The following RGS7BP variants were observed in gnomAD, a reference collection of about 807,000 sequenced individuals.
The protein encoded by RGS7BP is regulator of G protein signaling 7 binding protein, also known as regulator of G protein signaling 7-binding protein.
RGS7BP carries 9 observed loss-of-function variants against 31.3 expected under a neutral mutation model. The ratio of observed to expected loss-of-function variants is 0.29; its 90% confidence interval spans 0.17 to 0.50. The LOEUF (loss-of-function observed/expected upper bound fraction) is 0.50, where lower values mean the gene tolerates loss of function less well. Ranked by LOEUF, RGS7BP falls within the 20% of genes least tolerant of loss-of-function variation. The probability of loss-of-function intolerance (pLI) is 0.98; values close to 1 mark genes in which losing one functional copy is unlikely to be tolerated. For missense variants in RGS7BP, 274 were observed against 322.0 expected, an observed-to-expected ratio of 0.85 and a Z score of 1.14; for synonymous variants, 115 against 120.1, an observed-to-expected ratio of 0.96 and a Z score of 0.28.
At chr5:64,574,234 T>C (rs1449402213) in intron 2 of RGS7BP, among the ~76,000 whole-genome samples, 1 of 152,038 alleles carries the variant, frequency 6.6e-6, no homozygotes, top group Admixed American at 6.6e-5. Flanking sequence ...AGTCAGAGAC[T>C]GTGAAAGCTG....
intron 2 of RGS7BP, among the ~76,000 whole-genome samples, chr5:64,566,005 C>T (rs1742160806): frequency 6.6e-6 from 1 of 152,044 alleles, no homozygotes; most frequent in Non-Finnish European, 1.5e-5. Flanking sequence ...ACAGAATCCC[C>T]AGTGTTGGGT....
chr5:64,564,324 A>T lies in RGS7BP; in HGVS notation c.333-11450A>T, dbSNP rs899974341. On this transcript the variant is annotated intron_variant, in intron 2 of 5. Coordinates refer to ENST00000334025, the MANE Select transcript of RGS7BP (RefSeq NM_001029875.3). Reference sequence around the variant, plus strand: ...AACTGAAGCCAACTACACAGTTTCAAGGATCTTTGCTGGTTTTCTTTAATA... The same window carrying T: ...AACTGAAGCCAACTACACAGTTTCATGGATCTTTGCTGGTTTTCTTTAATA... Among the ~76,000 whole-genome samples the T allele has an allele frequency of 3.3e-5, 5 of 152,150 alleles. 1 individual carries two copies. The highest frequency in any genetic ancestry group is 2.6e-4 in the Admixed American group (4 of 15,256).
At chr5:64,543,789 G>A (rs1446139332) in intron 2 of RGS7BP, among the ~76,000 whole-genome samples, 1 of 152,178 alleles carries the variant, frequency 6.6e-6, no homozygotes, top group Non-Finnish European at 1.5e-5. Flanking sequence ...AGTAGGGCTG[G>A]AGCAAGGGTG....
At chr5:64,592,878 T>C (rs1742958257) in intron 3 of RGS7BP, among the ~76,000 whole-genome samples, 2 of 152,170 alleles carry the variant, frequency 1.3e-5, no homozygotes, top group African/African-American at 2.4e-5. Flanking sequence ...CAGCTACCCC[T>C]GCTCAGACTC....
intron 2 of RGS7BP, among the ~76,000 whole-genome samples, chr5:64,517,147 T>C (rs1369068576): frequency 6.6e-6 from 1 of 151,984 alleles, no homozygotes; most frequent in Non-Finnish European, 1.5e-5. Flanking sequence ...TGAGGCAAGA[T>C]GAGCACAGAA....
At chr5:64,524,031 G>C (rs1561322114) in intron 2 of RGS7BP, among the ~76,000 whole-genome samples, 1 of 152,142 alleles carries the variant, frequency 6.6e-6, no homozygotes, top group East Asian at 1.9e-4. Context: ...ACCTAAGTGA[G>C]ACCCTAAGGG....
At chr5:64,543,881 T>C (rs930634182) in intron 2 of RGS7BP, among the ~76,000 whole-genome samples, 6 of 152,256 alleles carry the variant, frequency 3.9e-5, no homozygotes, top group African/African-American at 1.4e-4. Context: ...TCACTAACTT[T>C]AGAGCCTGAG....
At chr5:64,536,737 T>C (rs1185412349) in intron 2 of RGS7BP, among the ~76,000 whole-genome samples, 1 of 152,246 alleles carries the variant, frequency 6.6e-6, no homozygotes, top group Non-Finnish European at 1.5e-5. Flanking sequence ...TATGGACTTC[T>C]GACCCACCCA....
At chr5:64,570,649 T>C (rs866109141) in intron 2 of RGS7BP, among the ~76,000 whole-genome samples, 1 of 152,152 alleles carries the variant, frequency 6.6e-6, no homozygotes, top group African/African-American at 2.4e-5. Flanking sequence ...AAATCCCCAG[T>C]GTGTTAACTC....
intron 2 of RGS7BP, among the ~76,000 whole-genome samples, chr5:64,545,682 G>T (rs181275791): frequency 2.0e-5 from 3 of 152,302 alleles, no homozygotes; most frequent in South Asian, 2.1e-4. Context: ...GTAGTTAACT[G>T]CATCTAAGAA....
At chr5:64,537,573 C>T (rs1483483291) in intron 2 of RGS7BP, among the ~76,000 whole-genome samples, 3 of 152,138 alleles carry the variant, frequency 2.0e-5, no homozygotes, top group African/African-American at 7.2e-5. Flanking sequence ...CTTTACCTCT[C>T]CCCAGAAACT....
At chr5:64,544,797 G>T (rs1040067098) in intron 2 of RGS7BP, among the ~76,000 whole-genome samples, 1 of 152,178 alleles carries the variant, frequency 6.6e-6, no homozygotes, top group Admixed American at 6.5e-5. Flanking sequence ...ATGGTATATT[G>T]AATCTAAGGC....
At position 64,583,771 on chromosome 5, in the gene RGS7BP, C is replaced by T. The variant is rs146093975; in HGVS notation, c.463+7867C>T. ...TAGTGTTTGAAGAATATAAACATAA[C>T]TAACTTCTGAAATCCAAGGATAATC... is the stretch of plus-strand genomic sequence containing the variant. On this transcript the variant is annotated intron_variant, in intron 3 of 5. Coordinates refer to ENST00000334025, the MANE Select transcript of RGS7BP (RefSeq NM_001029875.3). 4.6e-3 allele frequency among the ~76,000 whole-genome samples: 691 copies of T among 150,798 alleles called. 7 individuals carry two copies. Among genetic ancestry groups the T allele is most frequent in the African/African-American group, 0.015 (603 of 40,158 alleles).
intron 3 of RGS7BP, among the ~76,000 whole-genome samples, chr5:64,577,998 C>A (rs1742482489): frequency 6.6e-6 from 1 of 152,218 alleles, no homozygotes; most frequent in Non-Finnish European, 1.5e-5. Flanking sequence ...CTTCTGCCAT[C>A]CACTCTTACT....
rs781223999 is a variant in RGS7BP at position 64,598,411 on chromosome 5, A to G, written c.658A>G (p.Met220Val). 4 of 1,606,960 alleles carry G rather than the reference A, an allele frequency of 2.5e-6. No homozygotes were observed. Among genetic ancestry groups the G allele is most frequent in the Non-Finnish European group, 2.6e-6 (3 of 1,173,504 alleles). Residue 220 changes from methionine to valine, a missense_variant, in exon 5 of 6, where the codon ATG (methionine) becomes GTG (valine). Met to Val is a conservative substitution (Grantham distance 21). Around this residue, in one of 3 missense-constraint regions of RGS7BP, gnomAD observed 112 missense variants for 130.9 expected, o/e 0.86. Transcript: ENST00000334025. ...KNLLSKLRET[M>V]PLPLKNQDDS... Reference sequence around the variant, plus strand: ...CCTTTTAAGCAAACTCAGGGAAACTATGCCTTTACCATTGAAAAATCAAGG... The same window carrying G: ...CCTTTTAAGCAAACTCAGGGAAACTGTGCCTTTACCATTGAAAAATCAAGG...
At chr5:64,597,578 C>T (rs950415082) in intron 4 of RGS7BP, among the ~76,000 whole-genome samples, 13 of 151,478 alleles carry the variant, frequency 8.6e-5, no homozygotes, top group South Asian at 6.3e-4. Flanking sequence ...GAATTCCAAT[C>T]GTAGTAACAA....
At chr5:64,599,475 G>A (rs1402726223) in intron 5 of RGS7BP, among the ~76,000 whole-genome samples, 1 of 152,174 alleles carries the variant, frequency 6.6e-6, no homozygotes, top group Non-Finnish European at 1.5e-5. Context: ...GAAGGTGGAG[G>A]GGTGGAAGTG....
At chr5:64,507,147 C>A (rs1748709674) in intron 1 of RGS7BP, among the ~76,000 whole-genome samples, 1 of 152,162 alleles carries the variant, frequency 6.6e-6, no homozygotes, top group Non-Finnish European at 1.5e-5. Context: ...GACAGAGTAG[C>A]AAACAAACCC....
At chr5:64,602,654 C>T (rs142244295) in intron 5 of RGS7BP, among the ~76,000 whole-genome samples, 1 of 152,200 alleles carries the variant, frequency 6.6e-6, no homozygotes, top group Non-Finnish European at 1.5e-5. Flanking sequence ...CATATGCCTC[C>T]TCTCTCACAG....
Sources: gnomAD v4.1 joint callset for allele counts (sites outside exome capture counted in the v4.1 genomes callset) on GRCh38, gnomAD v4.1.1 for gene constraint, gnomAD v4.1.1 regional missense constraint, MANE v1.5 for transcripts, NCBI Gene and HGNC (gene_info 2026-07-23, HGNC 2026-07-21) for gene names.